The following S100A8 variants were observed in gnomAD, a reference collection of about 807,000 sequenced individuals.
The protein encoded by S100A8 is S100 calcium binding protein A8.
A neutral mutation model predicts 4.2 loss-of-function variants in S100A8; 1 was observed. The observed-to-expected ratio is 0.24, with a 90% CI of 0.08 to 1.12. The LOEUF (loss-of-function observed/expected upper bound fraction) is 1.12. S100A8 is among the 50% of genes most tolerant of loss of function. S100A8 has a pLI of 0.53. For synonymous variants in S100A8, 41 were observed against 44.7 expected, an observed-to-expected ratio of 0.92 and a Z score of 0.33; for missense variants, 96 against 111.8, an observed-to-expected ratio of 0.86 and a Z score of 0.64.
At chr1:153,405,805 TCAAAACCTAACAG>T in the S100A8 span, among the ~76,000 whole-genome samples, 1 of 151,988 alleles carries the variant, frequency 6.6e-6, no homozygotes, top group Non-Finnish European at 1.5e-5. Context: ...TGCCTTCCCT[TCAAAACCTAACAG>T]TGGGACCACA....
the S100A8 span, among the ~76,000 whole-genome samples, chr1:153,398,747 C>T: frequency 1.3e-5 from 2 of 152,182 alleles, no homozygotes; most frequent in Non-Finnish European, 2.9e-5. Context: ...ATCCCGTATC[C>T]CACGTAACCC....
the S100A8 span, among the ~76,000 whole-genome samples, chr1:153,412,120 A>G: frequency 0.012 from 1,856 of 152,352 alleles, 39 homozygotes; most frequent in African/African-American, 0.042. Flanking sequence ...AACAAAAGCC[A>G]AAATTGACAA....
rs756440626 is a variant in S100A8, at chr1:153,390,452, G to T, written c.84C>A (p.Ala28=). 6.2e-7 allele frequency: 1 copy of T among 1,614,120 alleles called. No homozygotes were observed. Among genetic ancestry groups the T allele is most frequent in the Non-Finnish European group, 8.5e-7 (1 of 1,180,028 alleles). Residue 28 remains alanine (A), a synonymous_variant, in exon 2 of 3, where the codon GCC becomes GCA. Transcript: ENST00000368733. ...KYSLIKGNFH[A]VYRDDLKKLL... Reference sequence around the variant, plus strand: ...ATTTCTTCAGGTCATCCCTGTAGACGGCATGGAAATTCCCCTTTATCAGGG... The same window carrying T: ...ATTTCTTCAGGTCATCCCTGTAGACTGCATGGAAATTCCCCTTTATCAGGG...
the S100A8 span, among the ~76,000 whole-genome samples, chr1:153,409,691 C>T: frequency 6.6e-6 from 1 of 152,262 alleles, no homozygotes; most frequent in Admixed American, 6.5e-5. Context: ...CACATTTATT[C>T]CATCACATTT....
the S100A8 span, chr1:153,419,511 T>C: frequency 3.2e-6 from 2 of 622,840 alleles, no homozygotes; most frequent in African/African-American, 3.7e-5. Context: ...GTTCCCCCTA[T>C]GGCCTCCAGC....
chr1:153,413,847 G>T, the S100A8 span, among the ~76,000 whole-genome samples: 2 of 152,090 alleles, frequency 1.3e-5, no homozygotes, highest in African/African-American at 4.8e-5. Flanking sequence ...ATTGCAGCGA[G>T]CCAAGATGAC....
the S100A8 span, among the ~76,000 whole-genome samples, chr1:153,412,446 A>G: frequency 6.6e-6 from 1 of 152,244 alleles, no homozygotes; most frequent in East Asian, 1.9e-4. Context: ...ATCTCACACC[A>G]GTTAGAATGG....
At chr1:153,394,535 T>C (rs2101611787), upstream of S100A8, among the ~76,000 whole-genome samples, 1 of 152,036 alleles carries the variant, frequency 6.6e-6, no homozygotes, top group South Asian at 2.1e-4. Flanking sequence ...GACACTGAGG[T>C]CCTGTCTCGG....
the S100A8 span, among the ~76,000 whole-genome samples, chr1:153,407,291 T>C: frequency 6.6e-6 from 1 of 152,172 alleles, no homozygotes; most frequent in Admixed American, 6.5e-5. Context: ...TTTTCAGTGG[T>C]CTTAGCAAAC....
At chr1:153,412,631 T>C in the S100A8 span, among the ~76,000 whole-genome samples, 1 of 152,206 alleles carries the variant, frequency 6.6e-6, no homozygotes, top group East Asian at 1.9e-4. Flanking sequence ...ATCATATTAC[T>C]GGGTATATAC....
chr1:153,405,099 C>T, the S100A8 span, among the ~76,000 whole-genome samples: 1 of 151,868 alleles, frequency 6.6e-6, no homozygotes, highest in Non-Finnish European at 1.5e-5. Flanking sequence ...CCACCCCGCA[C>T]TGCTTTCTCC....
chr1:153,407,902 G>C, the S100A8 span, among the ~76,000 whole-genome samples: 1 of 152,172 alleles, frequency 6.6e-6, no homozygotes, highest in African/African-American at 2.4e-5. Context: ...CTGCAGCTGA[G>C]GGTCCTGACT....
upstream of S100A8, chr1:153,391,140 A>G (rs760075016): frequency 3.0e-6 from 3 of 985,548 alleles, no homozygotes; most frequent in Non-Finnish European, 3.6e-6. Context: ...GCTTCAGGCC[A>G]TCAGAGACAG....
chr1:153,404,002 C>T, the S100A8 span, among the ~76,000 whole-genome samples: 84 of 152,294 alleles, frequency 5.5e-4, no homozygotes, highest in African/African-American at 1.4e-3. Flanking sequence ...TTCCTACAAA[C>T]CCCCTCCTCA....
the S100A8 span, among the ~76,000 whole-genome samples, chr1:153,411,143 G>A: frequency 6.6e-6 from 1 of 152,172 alleles, no homozygotes; most frequent in Non-Finnish European, 1.5e-5. Flanking sequence ...AATCAGGCAG[G>A]AGAAAGAAAT....
chr1:153,390,292 A>C (rs750949807), intron 2 of S100A8, 49 bp from the exon 3 acceptor site: 5 of 1,602,792 alleles, frequency 3.1e-6, no homozygotes, highest in Non-Finnish European at 4.3e-6. Context: ...TCTCAGAGAG[A>C]GCCGAGGCAT....
the S100A8 span, chr1:153,422,549 T>A: frequency 1.0e-6 from 1 of 985,136 alleles, no homozygotes; most frequent in Non-Finnish European, 1.2e-6. Flanking sequence ...ATTCTGGAAA[T>A]CCAAATGTTC....
chr1:153,402,174 A>C, the S100A8 span, among the ~76,000 whole-genome samples: 2 of 152,196 alleles, frequency 1.3e-5, no homozygotes, highest in South Asian at 4.1e-4. Flanking sequence ...GAAGATGATT[A>C]ACAGTATTAA....
At chr1:153,400,251 T>G in the S100A8 span, among the ~76,000 whole-genome samples, 1 of 152,054 alleles carries the variant, frequency 6.6e-6, no homozygotes, top group Non-Finnish European at 1.5e-5. Flanking sequence ...CCAGATTTGT[T>G]TACTAGTAAA....
Sources: allele counts gnomAD v4.1 joint callset (sites outside exome capture counted in the v4.1 genomes callset), GRCh38; gene constraint gnomAD v4.1.1; transcripts MANE v1.5; gene names NCBI Gene and HGNC (gene_info 2026-07-23, HGNC 2026-07-21).